UBXN11: variants seen among roughly 807,000 people sequenced by gnomAD.
UBXN11 encodes the protein UBX domain-containing protein 11.
A neutral mutation model predicts 62.8 loss-of-function variants in UBXN11; 47 were observed. The observed-to-expected ratio is 0.75, with a 90% confidence interval of 0.59 to 0.95. UBXN11 has a LOEUF of 0.95. Ranked by LOEUF, UBXN11 falls within the 40% of genes least tolerant of loss-of-function variation. UBXN11 has a pLI of 0.00. For synonymous variants in UBXN11, 294 were observed against 267.0 expected, an observed-to-expected ratio of 1.10 and a Z score of -0.99; for missense variants, 638 against 661.7, an observed-to-expected ratio of 0.96 and a Z score of 0.39.
intron 1 of UBXN11, among the ~76,000 whole-genome samples, chr1:26,304,196 T>C (rs947545155): frequency 5.9e-5 from 9 of 152,172 alleles, no homozygotes; most frequent in African/African-American, 2.2e-4. Flanking sequence ...ACTGCAGAGT[T>C]TGAGAATCAT....
intron 1 of UBXN11, among the ~76,000 whole-genome samples, chr1:26,305,486 T>C (rs1254898511): frequency 6.6e-6 from 1 of 152,126 alleles, no homozygotes; most frequent in African/African-American, 2.4e-5. Context: ...ACCCCCAATT[T>C]ACCCTCCAGC....
Position 26,282,374 on chromosome 1 carries a change from ACCGGGACTGGGGCCGGGACCGGGACCG to A in UBXN11, c.1461_1487del (p.Gly488_Gly496del). ...GACCGGGACTGGGGCCGGGACCGGG[ACCGGGACTGGGGCCGGGACCGGGACCG>A]GGACAGGGACCAGGACTGAATTTCA... On this transcript the variant is annotated inframe_deletion, in exon 15 of 15. Coordinates refer to ENST00000374222, the MANE Select transcript of UBXN11 (RefSeq NM_001389556.1). The A allele has an allele frequency of 1.3e-5, 8 of 602,104 alleles. No individual in the cohort carries two copies. The highest frequency in any genetic ancestry group is 1.3e-4 in the South Asian group (6 of 47,908). The allele number at this position is 602,104 out of a possible 1,614,324, so 37.3% of individuals were successfully genotyped here. A position where few individuals can be genotyped will look rare whatever the true frequency, so the allele number is the denominator to read the frequency against.
intron 1 of UBXN11, among the ~76,000 whole-genome samples, chr1:26,317,004 G>A (rs943763582): frequency 2.6e-5 from 4 of 151,524 alleles, no homozygotes; most frequent in African/African-American, 7.3e-5. Context: ...CGAGGCAGGC[G>A]GATCACTTGA....
chr1:26,306,837 G>GGGGGGGGGGGGGGGTGGGT (rs2073682363), upstream of UBXN11: 3 of 63,372 alleles, frequency 4.7e-5, no homozygotes, highest in African/African-American at 6.0e-5. Context: ...GGTGGGGGGG[G>GGGGGGGGGGGGGGGTGGGT]GGGGTGGTTC....
At chr1:26,293,548 A>G (rs920728674) in intron 8 of UBXN11, among the ~76,000 whole-genome samples, 10 of 151,988 alleles carry the variant, frequency 6.6e-5, no homozygotes, top group Non-Finnish European at 1.3e-4. Flanking sequence ...CAACATGGTA[A>G]AACCCCGTCT....
At chr1:26,303,085 T>C in intron 1 of UBXN11, 167 bp from the exon 2 acceptor site, 1 of 526,850 alleles carries the variant, frequency 1.9e-6, no homozygotes, top group Non-Finnish European at 3.4e-6. Flanking sequence ...TCTGGAAGTT[T>C]CTGTTATCTG....
rs1420519934 is a variant in UBXN11 at position 26,285,867 on chromosome 1, T to C, written c.730A>G (p.Met244Val). ...AAGGGCTGGAAGGGCCCGTCGAACA[T>C]CATGATGCCATTCCGGTAGAGCTTC... The part of the protein sequence containing the change: ...PLKLYRNGIM[M>V]FDGPFQPFYD... The change falls in exon 9 of 15, where the codon ATG becomes GTG. Residue 244 changes from methionine to valine, a missense_variant. Physicochemically the swap from Met to Val is conservative, Grantham distance 21. Coordinates refer to ENST00000374222, the MANE Select transcript of UBXN11 (RefSeq NM_001389556.1). The C allele has an allele frequency of 6.2e-7, 1 of 1,612,344 alleles. No homozygotes were observed. The highest frequency in any genetic ancestry group is 1.7e-5 in the Admixed American group (1 of 59,980).
At chr1:26,286,972 T>C (rs2073147549) in intron 8 of UBXN11, among the ~76,000 whole-genome samples, 1 of 152,156 alleles carries the variant, frequency 6.6e-6, no homozygotes, top group South Asian at 2.1e-4. Flanking sequence ...GTGCTGGGAT[T>C]ACAGGTGTGA....
exon 1 of UBXN11, chr1:26,318,209 G>A (rs1034461062): frequency 1.3e-6 from 1 of 743,542 alleles, no homozygotes; most frequent in African/African-American, 1.8e-5. Flanking sequence ...CAGGAAAACT[G>A]GGGACACAGC....
chr1:26,285,215 A>G (rs1218827440), intron 10 of UBXN11: 1 of 1,296,090 alleles, frequency 7.7e-7, no homozygotes, highest in East Asian at 3.4e-5. Flanking sequence ...GGGGAGGACT[A>G]GAAGGCAGGG....
chr1:26,307,055 T>G (rs571400904), upstream of UBXN11: 1 of 152,336 alleles, frequency 6.6e-6, no homozygotes, highest in Admixed American at 6.5e-5. Flanking sequence ...GAGGCTGCTT[T>G]GAGGATGGAT....
chr1:26,305,427 T>G (rs191619277), intron 1 of UBXN11, among the ~76,000 whole-genome samples: 8 of 152,280 alleles, frequency 5.3e-5, no homozygotes, highest in Non-Finnish European at 1.0e-4. Context: ...CCATCACAAT[T>G]TTAGAACATT....
At chr1:26,304,752 C>A (rs12132137) in intron 1 of UBXN11, among the ~76,000 whole-genome samples, 1 of 151,374 alleles carries the variant, frequency 6.6e-6, no homozygotes, top group African/African-American at 2.4e-5. Flanking sequence ...GACTCCATCT[C>A]AAAAAAAAAT....
intron 8 of UBXN11, among the ~76,000 whole-genome samples, chr1:26,289,125 C>T (rs4233458): frequency 0.3 from 45,560 of 152,108 alleles, 7,217 homozygotes; most frequent in Non-Finnish European, 0.35. Context: ...ACATGCCCCT[C>T]GCCTTGCGCT....
rs542505697 is a variant in UBXN11 at position 26,302,752 on chromosome 1, T to C, written c.71+61A>G. The C allele has an allele frequency of 2.3e-5, 36 of 1,557,402 alleles. No homozygotes were observed. The East Asian group carries it at 6.3e-4, about 27-fold the overall frequency. ...ACTAGGAGTCACTGTCCTCTGGCCATGGAAGGATAGAAGAGGATACAGAGG... is the reference window on the plus strand; with the variant it reads ...ACTAGGAGTCACTGTCCTCTGGCCACGGAAGGATAGAAGAGGATACAGAGG... On this transcript the variant is annotated intron_variant, in intron 2 of 14. Transcript: ENST00000374222.
At chr1:26,307,942 TG>T (rs1220374825), upstream of UBXN11, among the ~76,000 whole-genome samples, 1 of 152,040 alleles carries the variant, frequency 6.6e-6, no homozygotes, top group African/African-American at 2.4e-5. Context: ...CTACTACTAC[TG>T]AGTGCCAAGT....
At chr1:26,291,964 CCT>C (rs1272882073) in intron 8 of UBXN11, among the ~76,000 whole-genome samples, 1 of 152,184 alleles carries the variant, frequency 6.6e-6, no homozygotes, top group African/African-American at 2.4e-5. Context: ...TCGGGTTATC[CCT>C]GACTCCTCTG....
chr1:26,282,568 C>A lies in UBXN11; in HGVS notation c.1294G>T (p.Val432Phe). The A allele has an allele frequency of 6.2e-7, 1 of 1,602,558 alleles. No homozygotes were observed. Among genetic ancestry groups the A allele is most frequent in the Non-Finnish European group, 8.5e-7 (1 of 1,171,984 alleles). The change falls in exon 15 of 15, where the codon GTC becomes TTC. Residue 432 changes from valine (V) to phenylalanine (F), a missense_variant and splice_region_variant. Coordinates refer to ENST00000374222, the MANE Select transcript of UBXN11 (RefSeq NM_001389556.1). ...DVRALLAQAR[V>F]MDASAFEIFS... ...ATCTCAAAGGCAGAGGCATCCATGA[C>A]CCTGGGGACCAGGCAGAGCAGATCA...
At position 26,282,999 on chromosome 1, in the gene UBXN11, C is replaced by T; in HGVS notation, c.1078-62G>A. 1.9e-6 allele frequency: 3 copies of T among 1,603,496 alleles called. No homozygotes were observed. The South Asian group carries it at 3.3e-5, about 18-fold the overall frequency. The stretch of plus-strand genomic sequence containing the variant: ...GCCCCATTTGAGTCATCCCCACAAA[C>T]CTTAGAGGGACACTTCCTTGACCAG... On this transcript the variant is annotated intron_variant, in intron 12 of 14. Coordinates refer to ENST00000374222, the MANE Select transcript of UBXN11 (RefSeq NM_001389556.1).
Sources: gnomAD v4.1 joint callset for allele counts (sites outside exome capture counted in the v4.1 genomes callset) on GRCh38, gnomAD v4.1.1 for gene constraint, MANE v1.5 for transcripts, NCBI Gene and HGNC (gene_info 2026-07-23, HGNC 2026-07-21) for gene names.